ST6GALNAC3: variants seen among roughly 807,000 people sequenced by gnomAD.
The protein encoded by ST6GALNAC3 is ST6 N-acetylgalactosaminide alpha-2,6-sialyltransferase 3.
In ST6GALNAC3, 25 loss-of-function variants were observed where a neutral mutation model predicts 32.7. The observed-to-expected ratio is 0.76, with a 90% CI of 0.56 to 1.07. The LOEUF (loss-of-function observed/expected upper bound fraction) is 1.07, where lower values mean the gene tolerates loss of function less well. Among genes scored for constraint, ST6GALNAC3 ranks in the 50% least tolerant of loss-of-function variants. The probability of loss-of-function intolerance (pLI) is 0.00; values close to 1 mark genes in which losing one functional copy is unlikely to be tolerated. For synonymous variants in ST6GALNAC3, 129 were observed against 133.1 expected (o/e 0.97, Z 0.21); for missense variants, 355 against 382.4 (o/e 0.93, Z 0.60).
intron 3 of ST6GALNAC3, among the ~76,000 whole-genome samples, chr1:76,513,267 C>T (rs1323080393): frequency 6.6e-6 from 1 of 152,128 alleles, no homozygotes; most frequent in Non-Finnish European, 1.5e-5. Context: ...TAGTTATAGA[C>T]TTTACAATTA....
chr1:76,561,278 A>G (rs556966388), intron 3 of ST6GALNAC3, among the ~76,000 whole-genome samples: 3 of 152,094 alleles, frequency 2.0e-5, no homozygotes, highest in African/African-American at 7.2e-5. Context: ...TGAATAAGAA[A>G]TGGTGTTTGA....
intron 3 of ST6GALNAC3, among the ~76,000 whole-genome samples, chr1:76,426,252 C>G (rs1049460302): frequency 7.2e-5 from 11 of 151,860 alleles, no homozygotes; most frequent in Non-Finnish European, 1.3e-4. Flanking sequence ...CTGTAAGCAC[C>G]ATGAGGGCAT....
chr1:76,456,091 G>T (rs1657763884), intron 3 of ST6GALNAC3, among the ~76,000 whole-genome samples: 1 of 152,140 alleles, frequency 6.6e-6, no homozygotes. Flanking sequence ...AGAATTGCTT[G>T]AACCCACGAG....
At chr1:76,547,629 T>G (rs1310765337) in intron 3 of ST6GALNAC3, among the ~76,000 whole-genome samples, 1 of 150,984 alleles carries the variant, frequency 6.6e-6, no homozygotes, top group East Asian at 2.0e-4. Context: ...CGGAGGGGAG[T>G]GGATCACAAG....
At chr1:76,299,195 G>A (rs1312479110) in intron 1 of ST6GALNAC3, among the ~76,000 whole-genome samples, 1 of 152,040 alleles carries the variant, frequency 6.6e-6, no homozygotes, top group Non-Finnish European at 1.5e-5. Flanking sequence ...TGGTGGCTAG[G>A]TGCTGAAGGA....
chr1:76,586,153 T>C (rs553630060), intron 3 of ST6GALNAC3, among the ~76,000 whole-genome samples: 11 of 152,332 alleles, frequency 7.2e-5, no homozygotes, highest in African/African-American at 2.4e-4. Context: ...ACTACAGAGA[T>C]AAATATTCAT....
intron 1 of ST6GALNAC3, among the ~76,000 whole-genome samples, chr1:76,122,851 T>C (rs1043494969): frequency 6.6e-6 from 1 of 152,160 alleles, no homozygotes; most frequent in African/African-American, 2.4e-5. Flanking sequence ...ATGCTGAGGA[T>C]TGAGACGAGA....
chr1:76,629,453 T>A lies in ST6GALNAC3; in HGVS notation c.*647T>A. 1.0e-6 allele frequency: 1 copy of A among 985,568 alleles called. No individual in the cohort carries two copies. The highest frequency in any genetic ancestry group is 1.1e-4 in the East Asian group (1 of 8,798). The allele number at this position is 985,568 out of a possible 1,614,324, so 61.1% of individuals were successfully genotyped here. ...TACTTGACTATCTCAAACACATAAATCAAAATGGGCCAAGTAGCAAATCTT... is the reference window on the plus strand; with the variant it reads ...TACTTGACTATCTCAAACACATAAAACAAAATGGGCCAAGTAGCAAATCTT... On this transcript the variant is annotated 3_prime_UTR_variant, in exon 5 of 5. Transcript: ENST00000328299.
At chr1:76,453,529 G>A (rs1657554675) in intron 3 of ST6GALNAC3, among the ~76,000 whole-genome samples, 1 of 151,976 alleles carries the variant, frequency 6.6e-6, no homozygotes. Flanking sequence ...TGATTTCATT[G>A]TTGACCCAAA....
chr1:76,206,479 C>G (rs1445520210), intron 1 of ST6GALNAC3, among the ~76,000 whole-genome samples: 2 of 152,134 alleles, frequency 1.3e-5, no homozygotes, highest in African/African-American at 4.8e-5. Context: ...ATGATCACAG[C>G]TGGAAAAATG....
chr1:76,618,521 C>T (rs1648437166), intron 3 of ST6GALNAC3, among the ~76,000 whole-genome samples: 1 of 152,152 alleles, frequency 6.6e-6, no homozygotes, highest in East Asian at 1.9e-4. Flanking sequence ...ATACAATTAT[C>T]AATCGAAAAA....
chr1:76,168,904 C>T (rs975406791), intron 1 of ST6GALNAC3, among the ~76,000 whole-genome samples: 4 of 152,076 alleles, frequency 2.6e-5, no homozygotes, highest in Non-Finnish European at 5.9e-5. Context: ...GTTTTCTAAT[C>T]CAGCTTGCCA....
intron 2 of ST6GALNAC3, among the ~76,000 whole-genome samples, chr1:76,408,726 G>T (rs1172159890): frequency 6.7e-6 from 1 of 149,056 alleles, no homozygotes; most frequent in East Asian, 2.1e-4. Flanking sequence ...GTAATTTGCT[G>T]CATTTTATAG....
chr1:76,598,674 A>G (rs1200812172), intron 3 of ST6GALNAC3, among the ~76,000 whole-genome samples: 1 of 152,042 alleles, frequency 6.6e-6, no homozygotes, highest in Non-Finnish European at 1.5e-5. Flanking sequence ...TTCGTGATTC[A>G]GATGTGCCTT....
rs190345571 is a variant in ST6GALNAC3, at chr1:76,184,344, G to T, written c.18+109460G>T. Among the ~76,000 whole-genome samples the T allele has an allele frequency of 7.0e-4, 106 of 152,236 alleles. 1 individual carries two copies. In the Middle Eastern group the frequency reaches 0.01, roughly 15 times the overall value. ...ATTTGAGGTCAGGAGTTCAAGACCA[G>T]CCTGGCCAACATAGTGAAACCCTGT... On this transcript the variant is annotated intron_variant, in intron 1 of 4. Coordinates refer to ENST00000328299, the MANE Select transcript of ST6GALNAC3 (RefSeq NM_152996.4).
rs755660588 is a variant in ST6GALNAC3 at position 76,153,999 on chromosome 1, G to A, written c.18+79115G>A. Among the ~76,000 whole-genome samples, 140 of 152,128 alleles carry A rather than the reference G, an allele frequency of 9.2e-4. 2 individuals are homozygous for A. The highest frequency in any genetic ancestry group is 2.5e-4 in the Non-Finnish European group (17 of 68,026). The stretch of plus-strand genomic sequence containing the variant: ...ACAGTGATGAGTTGCCTGTCCCGCC[G>A]TCTGTAGTCGGGAGGGCTTTTTCCG... On this transcript the variant is annotated intron_variant, in intron 1 of 4. Coordinates refer to ENST00000328299, the MANE Select transcript of ST6GALNAC3 (RefSeq NM_152996.4).
At chr1:76,599,239 T>TC (rs1383831319) in intron 3 of ST6GALNAC3, among the ~76,000 whole-genome samples, 2 of 147,594 alleles carry the variant, frequency 1.4e-5, no homozygotes, top group Non-Finnish European at 3.0e-5. Context: ...GTTTTTTTTT[T>TC]AGTTTTAGAG....
chr1:76,449,101 G>A lies in ST6GALNAC3; in HGVS notation c.623+36684G>A, dbSNP rs746812440. ...CACCCAAAATGCTGGGATTATAGGC[G>A]TGAGCCACCACACCTGGCAGGTATG... is the stretch of plus-strand genomic sequence containing the variant. On this transcript the variant is annotated intron_variant, in intron 3 of 4. Transcript: ENST00000328299. Among the ~76,000 whole-genome samples, 5 of 152,284 alleles carry A rather than the reference G, an allele frequency of 3.3e-5. 1 individual carries two copies. In the South Asian group the frequency reaches 6.2e-4, roughly 19 times the overall value.
intron 1 of ST6GALNAC3, among the ~76,000 whole-genome samples, chr1:76,126,395 T>C (rs935763396): frequency 2.0e-5 from 3 of 151,432 alleles, no homozygotes; most frequent in African/African-American, 7.3e-5. Context: ...CTTTCTTTCT[T>C]TCTTTTCCCT....
Sources: gnomAD v4.1 joint callset for allele counts (sites outside exome capture counted in the v4.1 genomes callset) on GRCh38, gnomAD v4.1.1 for gene constraint, MANE v1.5 for transcripts, NCBI Gene and HGNC (gene_info 2026-07-23, HGNC 2026-07-21) for gene names.